The following SYT9 variants were observed in gnomAD, a reference collection of about 807,000 sequenced individuals.
The protein encoded by SYT9 is synaptotagmin 9.
In SYT9, 22 loss-of-function variants were observed where a neutral mutation model predicts 48.4. The observed-to-expected ratio is 0.45, with a 90% CI of 0.32 to 0.65. The LOEUF is 0.65. SYT9 is among the 30% of genes least tolerant of loss of function. The probability of loss-of-function intolerance (pLI) is 0.03; values close to 1 mark genes in which losing one functional copy is unlikely to be tolerated. For synonymous variants in SYT9, 265 were observed against 245.0 expected, an observed-to-expected ratio of 1.08 and a Z score of -0.76; for missense variants, 577 against 622.0, an observed-to-expected ratio of 0.93 and a Z score of 0.77.
intron 1 of SYT9, among the ~76,000 whole-genome samples, chr11:7,284,989 C>A (rs1041000127): frequency 6.6e-6 from 1 of 152,140 alleles, no homozygotes; most frequent in African/African-American, 2.4e-5. Context: ...TTCACCCACT[C>A]TATCACCTAA....
intron 3 of SYT9, among the ~76,000 whole-genome samples, chr11:7,316,403 C>T (rs1849244400): frequency 6.6e-6 from 1 of 152,024 alleles, no homozygotes; most frequent in Non-Finnish European, 1.5e-5. Flanking sequence ...TATTGCTCTT[C>T]TTTGACTAGC....
intron 3 of SYT9, among the ~76,000 whole-genome samples, chr11:7,319,783 C>T (rs1339416616): frequency 6.6e-6 from 1 of 152,154 alleles, no homozygotes; most frequent in Non-Finnish European, 1.5e-5. Context: ...CTCTGCAGTC[C>T]TCTGAATGCC....
chr11:7,411,363 T>C (rs1053565538), intron 3 of SYT9, among the ~76,000 whole-genome samples: 1 of 152,242 alleles, frequency 6.6e-6, no homozygotes, highest in African/African-American at 2.4e-5. Flanking sequence ...GTTTTCATGA[T>C]GGTAAATGTT....
At chr11:7,279,802 A>G (rs938673371) in intron 1 of SYT9, among the ~76,000 whole-genome samples, 1 of 152,208 alleles carries the variant, frequency 6.6e-6, no homozygotes, top group Non-Finnish European at 1.5e-5. Context: ...TTTTTTATAT[A>G]TGATTGTGAC....
At chr11:7,443,131 C>A (rs1847859066) in intron 6 of SYT9, among the ~76,000 whole-genome samples, 1 of 152,200 alleles carries the variant, frequency 6.6e-6, no homozygotes, top group African/African-American at 2.4e-5. Flanking sequence ...GCAGACCCGA[C>A]TGCCTAACAT....
intron 5 of SYT9, 78 bp downstream of exon 5, chr11:7,418,206 C>G: frequency 6.7e-7 from 1 of 1,501,320 alleles, no homozygotes; most frequent in Non-Finnish European, 9.0e-7. Context: ...GCAGCAGCCA[C>G]AGATTCTTAC....
intron 1 of SYT9, among the ~76,000 whole-genome samples, chr11:7,258,523 C>A (rs1445816152): frequency 6.6e-6 from 1 of 151,850 alleles, no homozygotes; most frequent in Non-Finnish European, 1.5e-5. Flanking sequence ...TTTTATCACA[C>A]AAAAACTTTA....
At chr11:7,342,530 G>T (rs900093510) in intron 3 of SYT9, among the ~76,000 whole-genome samples, 8 of 152,206 alleles carry the variant, frequency 5.3e-5, no homozygotes, top group Non-Finnish European at 8.8e-5. Flanking sequence ...TCACACTAAT[G>T]CAAGAGGTAG....
intron 3 of SYT9, among the ~76,000 whole-genome samples, chr11:7,350,031 A>AG (rs987215326): frequency 2.7e-5 from 4 of 149,026 alleles, no homozygotes; most frequent in South Asian, 2.1e-4. Flanking sequence ...CACTCATGCC[A>AG]GGGGGGGACC....
chr11:7,364,999 A>G (rs560868872), intron 3 of SYT9, among the ~76,000 whole-genome samples: 2 of 152,212 alleles, frequency 1.3e-5, no homozygotes, highest in East Asian at 1.9e-4. Flanking sequence ...AGGGGTCTCA[A>G]TTTGTGCCCT....
In SYT9 at chr11:7,418,146, C is replaced by G. The variant is rs200073157; in HGVS notation, c.1337+18C>G. The G allele has an allele frequency of 3.1e-6, 5 of 1,610,770 alleles. No individual in the cohort carries two copies. In the East Asian group the frequency reaches 1.1e-4, roughly 36 times the overall value. On this transcript the variant is annotated intron_variant, in intron 5 of 6. Transcript: ENST00000318881. ...TATGACCGGTGAGATACCTGGAACT[C>G]TTTTCCAGTGCAAGTTCACTGTGCC...
chr11:7,279,234 C>G (rs967983729), intron 1 of SYT9, among the ~76,000 whole-genome samples: 1 of 152,162 alleles, frequency 6.6e-6, no homozygotes, highest in Non-Finnish European at 1.5e-5. Flanking sequence ...AGGAAAGATG[C>G]TGGAGAGTTA....
At chr11:7,412,904 T>C (rs1847165622) in intron 3 of SYT9, among the ~76,000 whole-genome samples, 1 of 152,182 alleles carries the variant, frequency 6.6e-6, no homozygotes, top group South Asian at 2.1e-4. Flanking sequence ...AGAGTGCACA[T>C]GTGCCAACAG....
intron 3 of SYT9, among the ~76,000 whole-genome samples, chr11:7,389,833 G>GA (rs747536784): frequency 1.6e-4 from 24 of 149,372 alleles, no homozygotes; most frequent in South Asian, 4.2e-4. Context: ...TGCTTGGGAG[G>GA]AAAAAAAAAC....
chr11:7,303,393 C>G lies in SYT9; in HGVS notation c.497+3C>G. ...ACAGAGCCAACCTCGTCGGCCCGGT[C>G]AGTAATGCCTTCTCCTTTCTGAATG... On this transcript the variant is annotated splice_donor_region_variant and intron_variant, in intron 2 of 6. Transcript: ENST00000318881. 1.2e-6 allele frequency: 2 copies of G among 1,600,180 alleles called. No homozygotes were observed. The highest frequency in any genetic ancestry group is 1.7e-6 in the Non-Finnish European group (2 of 1,175,046).
At chr11:7,239,443 T>G (rs1296716426) in intron 1 of SYT9, among the ~76,000 whole-genome samples, 1 of 152,164 alleles carries the variant, frequency 6.6e-6, no homozygotes. Context: ...GCCCTAATTA[T>G]GTCAGATGCT....
intron 1 of SYT9, among the ~76,000 whole-genome samples, chr11:7,263,813 T>G (rs1298407499): frequency 6.6e-6 from 1 of 152,100 alleles, no homozygotes; most frequent in Non-Finnish European, 1.5e-5. Flanking sequence ...AGAGTCTTTC[T>G]AAAAGAGAAT....
chr11:7,347,393 G>A (rs866679675), intron 3 of SYT9, among the ~76,000 whole-genome samples: 12 of 151,970 alleles, frequency 7.9e-5, no homozygotes, highest in Non-Finnish European at 1.3e-4. Flanking sequence ...CACTGTACCC[G>A]GCTAATTTTT....
chr11:7,426,278 G>A (rs544329291), intron 6 of SYT9, among the ~76,000 whole-genome samples: 4 of 152,148 alleles, frequency 2.6e-5, no homozygotes, highest in African/African-American at 9.6e-5. Context: ...GAGGATCATG[G>A]CTGGTGTAAC....
Sources: allele counts gnomAD v4.1 joint callset (sites outside exome capture counted in the v4.1 genomes callset), GRCh38; gene constraint gnomAD v4.1.1; transcripts MANE v1.5; gene names NCBI Gene and HGNC (gene_info 2026-07-23, HGNC 2026-07-21).